Variants in PANK2 observed in about 807,000 individuals in gnomAD.
PANK2 encodes the protein pantothenate kinase 2, mitochondrial.
PANK2 carries 36 observed loss-of-function variants against 43.1 expected under a neutral mutation model. That is an observed-to-expected ratio of 0.84 (90% confidence interval 0.64 to 1.10). PANK2 has a LOEUF of 1.10. Ranked by LOEUF, PANK2 falls within the 50% of genes least tolerant of loss-of-function variation. The pLI is 0.00. For missense variants in PANK2, 576 were observed against 593.3 expected (o/e 0.97, Z 0.30); for synonymous variants, 281 against 238.2 (o/e 1.18, Z -1.66).
chr20:3,904,108 CAAA>C (rs1481026752), intron 1 of PANK2, among the ~76,000 whole-genome samples: 1 of 151,754 alleles, frequency 6.6e-6, no homozygotes. Flanking sequence ...TTTGCATTTT[CAAA>C]AGTTTCATAT....
intron 6 of PANK2, chr20:3,921,745 C>T (rs562698458): frequency 6.6e-6 from 1 of 152,222 alleles, no homozygotes; most frequent in African/African-American, 2.4e-5. Context: ...GGGTCTTACT[C>T]TGTCAGCCAG....
chr20:3,898,943 C>A (rs1251309253), intron 1 of PANK2, among the ~76,000 whole-genome samples: 1 of 150,656 alleles, frequency 6.6e-6, no homozygotes, highest in South Asian at 2.1e-4. Flanking sequence ...GGTGCGACCT[C>A]GGCTCACTGC....
In PANK2 at chr20:3,929,744, C is replaced by CAGAT. The variant is rs780117805; in HGVS notation, c.*6454_*6457dup. The CAGAT allele has an allele frequency of 1.3e-5, 2 of 152,208 alleles. No homozygotes were observed. The highest frequency in any genetic ancestry group is 2.9e-5 in the Non-Finnish European group (2 of 68,034). 9.4% of individuals were successfully genotyped at this position (152,208 alleles called of 1,614,324 possible). A position where few individuals can be genotyped will look rare whatever the true frequency, so the allele number is the denominator to read the frequency against. On this transcript the variant is annotated 3_prime_UTR_variant, in exon 7 of 7. Transcript: ENST00000610179. ...GAGCCTGATCTTGAGCATCCTGTCG[C>CAGAT]AGATAGAAAGTCAATCAGAAAAATC...
At chr20:3,911,864 T>C (rs1469082799) in intron 3 of PANK2, among the ~76,000 whole-genome samples, 1 of 150,712 alleles carries the variant, frequency 6.6e-6, no homozygotes, top group African/African-American at 2.4e-5. Context: ...TACTCTAGCC[T>C]GGGCAAAAAG....
intron 6 of PANK2, 77 bp downstream of exon 6, chr20:3,918,873 G>C: frequency 6.2e-7 from 1 of 1,607,506 alleles, no homozygotes; most frequent in South Asian, 1.1e-5. Context: ...ACTTGAGGTA[G>C]AGGGTGGAGG....
chr20:3,892,824 T>C (rs1389148314), intron 1 of PANK2, among the ~76,000 whole-genome samples: 1 of 152,116 alleles, frequency 6.6e-6, no homozygotes, highest in Admixed American at 6.6e-5. Flanking sequence ...CTGTCACGCG[T>C]TTCCTAGAGC....
intron 1 of PANK2, among the ~76,000 whole-genome samples, chr20:3,900,288 T>C (rs1446541435): frequency 6.6e-6 from 1 of 151,772 alleles, no homozygotes; most frequent in East Asian, 1.9e-4. Flanking sequence ...GACTCTCCTT[T>C]CCCCTGTAGG....
At position 3,908,219 on chromosome 20, in the gene PANK2, C is replaced by T; in HGVS notation, c.592C>T (p.His198Tyr). ...CAGAGATAAAAACTTCTCGAGTCTCCACACTGTCTTTTGTGCCACTGGAGG... is the reference window on the plus strand; with the variant it reads ...CAGAGATAAAAACTTCTCGAGTCTCTACACTGTCTTTTGTGCCACTGGAGG... Residue 198 changes from histidine (H) to tyrosine (Y), a missense_variant, in exon 2 of 7, where the codon CAC (histidine) becomes TAC (tyrosine). His to Tyr is a moderately conservative substitution (Grantham distance 83). Around this residue, in one of 2 missense-constraint regions of PANK2, gnomAD observed 544 missense variants for 528.9 expected, o/e 1.03. Transcript: ENST00000610179. The T allele has an allele frequency of 6.2e-7, 1 of 1,613,386 alleles. No individual in the cohort carries two copies. Among genetic ancestry groups the T allele is most frequent in the Non-Finnish European group, 8.5e-7 (1 of 1,180,018 alleles).
At chr20:3,905,717 CTTT>C (rs377100642) in intron 1 of PANK2, among the ~76,000 whole-genome samples, 3 of 132,550 alleles carry the variant, frequency 2.3e-5, no homozygotes, top group Non-Finnish European at 1.6e-5. Context: ...AACCCACACC[CTTT>C]TTTTTTTTTT....
In PANK2 at chr20:3,923,537, T is replaced by G; in HGVS notation, c.*243T>G. The G allele has an allele frequency of 1.8e-6, 1 of 568,120 alleles. No homozygotes were observed. The highest frequency in any genetic ancestry group is 3.1e-6 in the Non-Finnish European group (1 of 319,134). 35.2% of individuals were successfully genotyped at this position (568,120 alleles called of 1,614,324 possible). A position where few individuals can be genotyped will look rare whatever the true frequency, so the allele number is the denominator to read the frequency against. On this transcript the variant is annotated 3_prime_UTR_variant, in exon 7 of 7. Transcript: ENST00000610179. ...ATGTCCAGGCAGTGTGAGGATTTGC[T>G]GTATATAAGTTGCCTGCTTTGTATT...
At chr20:3,895,631 T>G (rs1035537596) in intron 1 of PANK2, among the ~76,000 whole-genome samples, 1 of 152,112 alleles carries the variant, frequency 6.6e-6, no homozygotes. Flanking sequence ...GGACTTAAAG[T>G]TTGTAGCCTT....
chr20:3,893,291 T>A (rs1002477291), intron 1 of PANK2, among the ~76,000 whole-genome samples: 1 of 152,150 alleles, frequency 6.6e-6, no homozygotes, highest in Non-Finnish European at 1.5e-5. Context: ...GGGGAAGGTA[T>A]GTGTGATGTA....
intron 1 of PANK2, among the ~76,000 whole-genome samples, chr20:3,898,291 C>T (rs2090243300): frequency 6.6e-6 from 1 of 152,028 alleles, no homozygotes. Flanking sequence ...TCTCTGCCTC[C>T]CGGGTTCAAG....
rs1185710633 is a variant in PANK2, at chr20:3,919,389, A to G, written c.1332+593A>G. 3.3e-5 allele frequency among the ~76,000 whole-genome samples: 5 copies of G among 151,870 alleles called. No homozygotes were observed. In the East Asian group the frequency reaches 7.7e-4, roughly 23 times the overall value. ...CTGAACTATCCTCTATATTTTTTCT[A>G]TTGCACTGACTGTGTCATTACTCTG... On this transcript the variant is annotated intron_variant, in intron 6 of 6. Transcript: ENST00000610179.
At chr20:3,901,747 C>A in intron 1 of PANK2, 1 of 311,398 alleles carries the variant, frequency 3.2e-6, no homozygotes, top group African/African-American at 2.3e-5. Context: ...ATTCATCTAC[C>A]AATTATGTTA....
chr20:3,916,936 CATG>C lies in PANK2; in HGVS notation c.1097_1099del (p.Met366del). The C allele has an allele frequency of 6.2e-7, 1 of 1,613,912 alleles. No individual in the cohort carries two copies. Among genetic ancestry groups the C allele is most frequent in the Non-Finnish European group, 8.5e-7 (1 of 1,179,982 alleles). The stretch of plus-strand genomic sequence containing the variant: ...TTTTCCCCCATCACAGCTTTGGAAA[CATG>C]ATGAGCAAGGAGAAGCGAGAGGCTG... On this transcript the variant is annotated inframe_deletion, in exon 5 of 7. Coordinates refer to ENST00000610179, the MANE Select transcript of PANK2 (RefSeq NM_001386393.1).
At chr20:3,893,924 G>GTTTTTTTTTTTTTT (rs1046729224) in intron 1 of PANK2, among the ~76,000 whole-genome samples, 10 of 124,922 alleles carry the variant, frequency 8.0e-5, no homozygotes, top group African/African-American at 2.9e-4. Flanking sequence ...TTTTTTGTTT[G>GTTTTTTTTTTTTTT]TTTTTTGTTT....
intron 1 of PANK2, among the ~76,000 whole-genome samples, chr20:3,892,771 A>G (rs929904504): frequency 1.3e-5 from 2 of 151,440 alleles, no homozygotes; most frequent in Admixed American, 6.6e-5. Flanking sequence ...GGAGCTATTC[A>G]GGTTATCTTA....
rs773001341 is a variant in PANK2 at position 3,916,914 on chromosome 20, T to TC, written c.1083-8dup. 6 of 1,609,552 alleles carry TC rather than the reference T, an allele frequency of 3.7e-6. No individual in the cohort carries two copies. In the African/African-American group the frequency reaches 5.4e-5, roughly 14 times the overall value. ...GTTGGTTTAGCAATGGGATTTTTTT[T>TC]CCCCCATCACAGCTTTGGAAACATG... On this transcript the variant is annotated splice_polypyrimidine_tract_variant and intron_variant, in intron 4 of 6. Transcript: ENST00000610179.
Sources: allele counts gnomAD v4.1 joint callset (sites outside exome capture counted in the v4.1 genomes callset), GRCh38; gene constraint gnomAD v4.1.1; regional missense constraint gnomAD v4.1.1; transcripts MANE v1.5; gene names NCBI Gene and HGNC (gene_info 2026-07-23, HGNC 2026-07-21).